The following PAAF1 variants were observed in gnomAD, a reference collection of about 807,000 sequenced individuals.
The protein encoded by PAAF1 is proteasomal ATPase associated factor 1, also known as proteasomal ATPase-associated factor 1.
Under a neutral mutation model 52.8 loss-of-function variants are expected in PAAF1, and 46 were observed. That is an observed-to-expected ratio of 0.87 (90% CI 0.69 to 1.11). The LOEUF is 1.11. Ranked by LOEUF, PAAF1 falls within the 50% of genes most tolerant of loss-of-function variation. The pLI, the probability that PAAF1 is intolerant of heterozygous loss-of-function variation, is 0.00. For missense variants in PAAF1, 424 were observed against 477.4 expected (o/e 0.89, Z 1.04); for synonymous variants, 178 against 172.8 (o/e 1.03, Z -0.24).
intron 2 of PAAF1, among the ~76,000 whole-genome samples, chr11:73,881,751 G>C (rs1948914198): frequency 6.6e-6 from 1 of 152,128 alleles, no homozygotes; most frequent in Non-Finnish European, 1.5e-5. Flanking sequence ...CTGTTGCCCA[G>C]GCTGGAGTGC....
rs765993343 is a variant in PAAF1, at chr11:73,899,194, A to G, written c.331A>G (p.Ser111Gly). ...SSRGGLGVSS[S>G]TDGTMKIWQA... ...CAGAGGAGGTCTTGGTGTGTCTTCTAGTACTGACGGGACCATGAAAATCTG... is the reference window on the plus strand; with the variant it reads ...CAGAGGAGGTCTTGGTGTGTCTTCTGGTACTGACGGGACCATGAAAATCTG... The change falls in exon 5 of 12, where the codon AGT becomes GGT. Residue 111 changes from serine to glycine, a missense_variant. Physicochemically the swap from Ser to Gly is moderately conservative, Grantham distance 56. Coordinates refer to ENST00000310571, the MANE Select transcript of PAAF1 (RefSeq NM_025155.3). 1.2e-6 allele frequency: 2 copies of G among 1,614,088 alleles called. No homozygotes were observed. Among genetic ancestry groups the G allele is most frequent in the South Asian group, 1.1e-5 (1 of 91,068 alleles).
intron 4 of PAAF1, among the ~76,000 whole-genome samples, chr11:73,895,979 CCATGTTTGTAATCT>C (rs1949339894): frequency 6.6e-6 from 1 of 152,126 alleles, no homozygotes; most frequent in Non-Finnish European, 1.5e-5. Context: ...ACATGCCAGC[CCATGTTTGTAATCT>C]CAGCTATTGG....
chr11:73,903,415 TAAAAAG>T (rs977815241), intron 6 of PAAF1, among the ~76,000 whole-genome samples: 27 of 152,048 alleles, frequency 1.8e-4, no homozygotes, highest in African/African-American at 6.5e-4. Context: ...TTGTGTGACT[TAAAAAG>T]AAAAAAAATC....
At chr11:73,883,300 G>A (rs1395243451) in intron 2 of PAAF1, among the ~76,000 whole-genome samples, 1 of 152,078 alleles carries the variant, frequency 6.6e-6, no homozygotes, top group Non-Finnish European at 1.5e-5. Context: ...AGATAAAAAT[G>A]TGTGCTATCT....
At chr11:73,919,827 T>C (rs1950162672) in intron 10 of PAAF1, among the ~76,000 whole-genome samples, 1 of 152,178 alleles carries the variant, frequency 6.6e-6, no homozygotes, top group African/African-American at 2.4e-5. Context: ...AGTTAGGATG[T>C]TTTGGGCTGT....
chr11:73,918,200 C>T (rs1286834691), intron 9 of PAAF1, among the ~76,000 whole-genome samples: 3 of 152,016 alleles, frequency 2.0e-5, no homozygotes, highest in Admixed American at 1.3e-4. Flanking sequence ...ATGTTCCCTG[C>T]ATATGAGGGC....
chr11:73,924,627 GT>G lies in PAAF1; in HGVS notation c.1035del (p.Phe345LeufsTer7). On this transcript the variant is annotated frameshift_variant, in exon 11 of 12. Transcript: ENST00000310571. LOFTEE classifies it high-confidence loss of function. ...TTCTGCCTTTCAGGTGATGGAAGCT[GT>G]TTTATTGTCCAGCAAGACTTAGACT... ...GFIASQGDGSCFIVQQDLDYV... is the reference protein window; with the variant it reads ...GFIASQGDGSXFIVQQDLDYV... 1 of 1,613,894 alleles carries G rather than the reference GT, an allele frequency of 6.2e-7. No homozygotes were observed. Among genetic ancestry groups the G allele is most frequent in the South Asian group, 1.1e-5 (1 of 91,066 alleles).
chr11:73,891,332 A>G (rs1949198035), intron 4 of PAAF1, 131 bp downstream of exon 4: 1 of 585,962 alleles, frequency 1.7e-6, no homozygotes, highest in African/African-American at 1.9e-5. Context: ...AAGATGATAC[A>G]GCTGATGAAG....
chr11:73,891,067 T>C (rs544747088), intron 3 of PAAF1, 45 bp from the exon 4 acceptor site: 6 of 1,123,946 alleles, frequency 5.3e-6, no homozygotes, highest in Non-Finnish European at 8.1e-6. Flanking sequence ...TATAATACAT[T>C]GGAGGAGTTT....
At chr11:73,912,462 C>T (rs971201337) in intron 7 of PAAF1, among the ~76,000 whole-genome samples, 5 of 152,166 alleles carry the variant, frequency 3.3e-5, no homozygotes, top group African/African-American at 4.8e-5. Flanking sequence ...CCCACATCAG[C>T]AAAGTCTATC....
intron 7 of PAAF1, 136 bp downstream of exon 7, chr11:73,909,729 T>C (rs1949875742): frequency 1.3e-6 from 1 of 762,416 alleles, no homozygotes; most frequent in Non-Finnish European, 2.1e-6. Flanking sequence ...GATTAATATT[T>C]ACTCTGTACC....
At chr11:73,906,511 A>G (rs1949759303) in intron 6 of PAAF1, among the ~76,000 whole-genome samples, 1 of 152,166 alleles carries the variant, frequency 6.6e-6, no homozygotes, top group Non-Finnish European at 1.5e-5. Flanking sequence ...TCAGACTCCC[A>G]AAGTGCTGGG....
intron 10 of PAAF1, among the ~76,000 whole-genome samples, chr11:73,920,548 TA>T (rs964769407): frequency 6.6e-6 from 1 of 151,458 alleles, no homozygotes; most frequent in East Asian, 1.9e-4. Flanking sequence ...TTTTTTCAAT[TA>T]AAAAAATATT....
rs1565121985 is a variant in PAAF1, at chr11:73,878,837, TA to T, written c.88+19del. 6.2e-7 allele frequency: 1 copy of T among 1,611,388 alleles called. No individual in the cohort carries two copies. Among genetic ancestry groups the T allele is most frequent in the Admixed American group, 1.7e-5 (1 of 59,868 alleles). ...TCCCCCAGGTAATACCCATGAATTA[TA>T]TATGCTGTGACTTTAAAGGAGAAGG... On this transcript the variant is annotated intron_variant, in intron 2 of 11. Coordinates refer to ENST00000310571, the MANE Select transcript of PAAF1 (RefSeq NM_025155.3).
intron 2 of PAAF1, among the ~76,000 whole-genome samples, chr11:73,881,850 G>C (rs941452573): frequency 1.3e-5 from 2 of 151,940 alleles, no homozygotes; most frequent in Non-Finnish European, 1.5e-5. Flanking sequence ...AGGACTACAG[G>C]CGCGTGCTAC....
In PAAF1 at chr11:73,887,477, A is replaced by C; in HGVS notation, c.192+20A>C. On this transcript the variant is annotated intron_variant, in intron 3 of 11. Transcript: ENST00000310571. ...AACAAGGTATGTTTTTATGTCTTCT[A>C]GATGGCATGATATTTAAAACTATGG... 6.6e-7 allele frequency: 1 copy of C among 1,522,618 alleles called. No homozygotes were observed. Among genetic ancestry groups the C allele is most frequent in the Non-Finnish European group, 9.0e-7 (1 of 1,115,308 alleles). The allele number at this position is 1,522,618 out of a possible 1,614,324, so 94.3% of individuals were successfully genotyped here. A position where few individuals can be genotyped will look rare whatever the true frequency, so the allele number is the denominator to read the frequency against.
chr11:73,909,211 T>C (rs1949859193), intron 6 of PAAF1, among the ~76,000 whole-genome samples, 188 bp from the exon 7 acceptor site: 1 of 152,246 alleles, frequency 6.6e-6, no homozygotes, highest in Non-Finnish European at 1.5e-5. Flanking sequence ...CTTTCACAGC[T>C]AGACTTTGAT....
intron 6 of PAAF1, among the ~76,000 whole-genome samples, chr11:73,908,255 ATGTATATATG>A (rs535428239): frequency 0.022 from 3,177 of 147,116 alleles, 116 homozygotes; most frequent in African/African-American, 0.072. Context: ...GTGTATATAT[ATGTATATATG>A]TGTATATATG....
At position 73,900,471 on chromosome 11, in the gene PAAF1, A is replaced by G. The variant is rs376283946; in HGVS notation, c.532+51A>G. ...GCTTCTCTAATGATCCCCAGAAATG[A>G]ATCACTGAAAAGGTAGAAACAAGCT... On this transcript the variant is annotated intron_variant, in intron 6 of 11. Coordinates refer to ENST00000310571, the MANE Select transcript of PAAF1 (RefSeq NM_025155.3). 1.6e-4 allele frequency: 242 copies of G among 1,515,304 alleles called. 1 individual carries two copies. Among genetic ancestry groups the G allele is most frequent in the Non-Finnish European group, 2.1e-4 (233 of 1,122,540 alleles). The allele number at this position is 1,515,304 out of a possible 1,614,324, so 93.9% of individuals were successfully genotyped here. A position where few individuals can be genotyped will look rare whatever the true frequency, so the allele number is the denominator to read the frequency against.
Sources: gnomAD v4.1 joint callset for allele counts (sites outside exome capture counted in the v4.1 genomes callset) on GRCh38, gnomAD v4.1.1 for gene constraint, MANE v1.5 for transcripts, NCBI Gene and HGNC (gene_info 2026-07-23, HGNC 2026-07-21) for gene names.